The following ATF7IP variants were observed in gnomAD, a reference collection of about 807,000 sequenced individuals.
ATF7IP encodes the protein activating transcription factor 7 interacting protein, also known as activating transcription factor 7-interacting protein 1.
Under a neutral mutation model 106.4 loss-of-function variants are expected in ATF7IP, and 23 were observed. That is an observed-to-expected ratio of 0.22 (90% CI 0.16 to 0.31). The LOEUF (loss-of-function observed/expected upper bound fraction) is 0.31. ATF7IP is among the 10% of genes least tolerant of loss of function. ATF7IP has a pLI of 1.00. For synonymous variants in ATF7IP, 542 were observed against 539.0 expected, an observed-to-expected ratio of 1.01 and a Z score of -0.08; for missense variants, 1,334 against 1,524.3, an observed-to-expected ratio of 0.88 and a Z score of 2.08.
chr12:14,375,365 G>A (rs752000198), intron 1 of ATF7IP, among the ~76,000 whole-genome samples: 2 of 151,996 alleles, frequency 1.3e-5, no homozygotes, highest in African/African-American at 2.4e-5. Flanking sequence ...TTAAGAACCA[G>A]TTGCTTGTTA....
chr12:14,396,645 T>C (rs1384857738), intron 1 of ATF7IP, among the ~76,000 whole-genome samples: 1 of 152,144 alleles, frequency 6.6e-6, no homozygotes, highest in Non-Finnish European at 1.5e-5. Context: ...GAAAAAGTTT[T>C]TCAAACTTCT....
At chr12:14,398,474 GTT>G (rs11285054) in intron 1 of ATF7IP, among the ~76,000 whole-genome samples, 12 of 139,516 alleles carry the variant, frequency 8.6e-5, no homozygotes, top group Non-Finnish European at 1.6e-4. Context: ...TAGCCTTGTG[GTT>G]TTTTTTTTTT....
chr12:14,413,601 A>G (rs1941044500), intron 1 of ATF7IP, among the ~76,000 whole-genome samples: 3 of 152,212 alleles, frequency 2.0e-5, no homozygotes, highest in Non-Finnish European at 4.4e-5. Flanking sequence ...GTAATTATTG[A>G]TAGTAATATA....
chr12:14,492,562 T>C (rs1944865025), intron 13 of ATF7IP, among the ~76,000 whole-genome samples: 1 of 152,210 alleles, frequency 6.6e-6, no homozygotes, highest in Non-Finnish European at 1.5e-5. Flanking sequence ...TTTAGTCTTT[T>C]GTCCATTTGA....
At position 14,456,610 on chromosome 12, in the gene ATF7IP, A is replaced by G; in HGVS notation, c.2045A>G (p.Asn682Ser). The G allele has an allele frequency of 1.2e-6, 2 of 1,612,102 alleles. No individual in the cohort carries two copies. The highest frequency in any genetic ancestry group is 1.7e-6 in the Non-Finnish European group (2 of 1,179,020). Reference sequence around the variant, plus strand: ...CCAGGAAAAACTGTAAATGATGTCAACAGCAATAATAACATGTCTTACAGG... The same window carrying G: ...CCAGGAAAAACTGTAAATGATGTCAGCAGCAATAATAACATGTCTTACAGG... ...VSPGKTVNDV[N>S]SNNNMSYRNA... is the part of the protein sequence containing the mutation. The change falls in exon 7 of 15, where the codon AAC (asparagine) becomes AGC (serine). Residue 682 changes from asparagine (N) to serine (S), a missense_variant. By Grantham distance (46) the Asn-to-Ser change is conservative. This residue lies in a region of ATF7IP where 171 missense variants were observed against 172.6 expected (regional missense o/e 0.99). Coordinates refer to ENST00000261168, the MANE Select transcript of ATF7IP (RefSeq NM_018179.5).
At position 14,402,072 on chromosome 12, in the gene ATF7IP, TTTTC is replaced by T. The variant is rs975460821; in HGVS notation, c.-7-21827_-7-21824del. Among the ~76,000 whole-genome samples, 6 of 151,764 alleles carry T rather than the reference TTTTC, an allele frequency of 4.0e-5. No homozygotes were observed. In the South Asian group the frequency reaches 6.2e-4, roughly 16 times the overall value. On this transcript the variant is annotated intron_variant, in intron 1 of 14. Coordinates refer to ENST00000261168, the MANE Select transcript of ATF7IP (RefSeq NM_018179.5). ...ATATCTAGGTGGAATTTTCTTTTTTTTTTCTTTCTTTCTGTCTGTCTTTCTCTCT... is the reference window on the plus strand; with the variant it reads ...ATATCTAGGTGGAATTTTCTTTTTTTTTTCTTTCTGTCTGTCTTTCTCTCT...
In ATF7IP at chr12:14,423,891, T is replaced by G; in HGVS notation, c.-7-18T>G. The G allele has an allele frequency of 6.4e-7, 1 of 1,550,466 alleles. No individual in the cohort carries two copies. The highest frequency in any genetic ancestry group is 1.4e-5 in the African/African-American group (1 of 72,278). On this transcript the variant is annotated intron_variant, in intron 1 of 14. Transcript: ENST00000261168. ...TTCTGTTTCAGTTATTAAACTCTCT[T>G]TCTCTTTTTTCTTAAAGATTCAGAA... is the stretch of plus-strand genomic sequence containing the variant.
chr12:14,411,850 G>A (rs189029820), intron 1 of ATF7IP, among the ~76,000 whole-genome samples: 81 of 151,540 alleles, frequency 5.3e-4, no homozygotes, highest in African/African-American at 1.7e-3. Context: ...TCATATCTAA[G>A]AAACCATTGC....
chr12:14,398,106 G>A (rs779661413), intron 1 of ATF7IP, among the ~76,000 whole-genome samples: 37 of 152,014 alleles, frequency 2.4e-4, no homozygotes, highest in African/African-American at 7.5e-4. Context: ...TCCTTGCAAG[G>A]TTTTTTTCTG....
At chr12:14,369,906 T>C (rs1938464622) in intron 1 of ATF7IP, among the ~76,000 whole-genome samples, 1 of 152,094 alleles carries the variant, frequency 6.6e-6, no homozygotes, top group Admixed American at 6.6e-5. Context: ...GATCCCTTGA[T>C]ATACACAATT....
At chr12:14,464,400 A>G (rs1943750829) in intron 9 of ATF7IP, among the ~76,000 whole-genome samples, 1 of 152,250 alleles carries the variant, frequency 6.6e-6, no homozygotes, top group Non-Finnish European at 1.5e-5. Flanking sequence ...ACATAATTAA[A>G]TGAGCGAAGT....
At chr12:14,409,955 T>C (rs1161261758) in intron 1 of ATF7IP, among the ~76,000 whole-genome samples, 1 of 152,128 alleles carries the variant, frequency 6.6e-6, no homozygotes, top group East Asian at 1.9e-4. Context: ...ATACAATTCA[T>C]CTGTTTGAGT....
At chr12:14,448,353 C>T (rs1273354779) in intron 6 of ATF7IP, among the ~76,000 whole-genome samples, 2 of 152,060 alleles carry the variant, frequency 1.3e-5, no homozygotes, top group Non-Finnish European at 2.9e-5. Context: ...ACAGACTTAA[C>T]AGTTTCTACC....
chr12:14,411,662 A>G (rs1940920043), intron 1 of ATF7IP, among the ~76,000 whole-genome samples: 1 of 152,084 alleles, frequency 6.6e-6, no homozygotes, highest in South Asian at 2.1e-4. Flanking sequence ...CAGTTTTTAT[A>G]TATTCAAGAT....
Position 14,424,745 on chromosome 12 carries a change from A to T in ATF7IP, c.830A>T (p.Asp277Val), listed in dbSNP as rs746203286. 1 of 1,614,060 alleles carries T rather than the reference A, an allele frequency of 6.2e-7. No homozygotes were observed. The highest frequency in any genetic ancestry group is 8.5e-7 in the Non-Finnish European group (1 of 1,180,026). Residue 277 changes from aspartate to valine, a missense_variant, in exon 2 of 15, where the codon GAT becomes GTT. By Grantham distance (152) the Asp-to-Val change is radical. Coordinates refer to ENST00000261168, the MANE Select transcript of ATF7IP (RefSeq NM_018179.5). Reference protein sequence around the residue: ...DDLATGELASDELTSESTFDR... With the variant: ...DDLATGELASVELTSESTFDR... ...CTGGCCACTGGTGAACTGGCCTCTGATGAGCTGACTTCTGAATCAACCTTT... is the reference window on the plus strand; with the variant it reads ...CTGGCCACTGGTGAACTGGCCTCTGTTGAGCTGACTTCTGAATCAACCTTT...
At chr12:14,487,427 G>A (rs553007055) in intron 13 of ATF7IP, among the ~76,000 whole-genome samples, 3 of 152,298 alleles carry the variant, frequency 2.0e-5, no homozygotes, top group Admixed American at 1.3e-4. Flanking sequence ...GGGCTCCTGA[G>A]AAGAGTCAAC....
chr12:14,365,975 A>G (rs1158221902), intron 1 of ATF7IP, 148 bp downstream of exon 1: 1 of 152,310 alleles, frequency 6.6e-6, no homozygotes. Flanking sequence ...GCATGGGAGC[A>G]CGTGATCTTG....
intron 9 of ATF7IP, among the ~76,000 whole-genome samples, chr12:14,465,177 G>A (rs993869781): frequency 1.3e-5 from 2 of 151,896 alleles, no homozygotes; most frequent in Non-Finnish European, 1.5e-5. Context: ...TTGTGCCACT[G>A]CACTCTCGCC....
chr12:14,416,813 A>G (rs957465431), intron 1 of ATF7IP: 37 of 652,624 alleles, frequency 5.7e-5, no homozygotes, highest in South Asian at 6.9e-5. Context: ...GTTTTAGACT[A>G]TTTCGGCTTT....
Sources: allele counts gnomAD v4.1 joint callset (sites outside exome capture counted in the v4.1 genomes callset), GRCh38; gene constraint gnomAD v4.1.1; regional missense constraint gnomAD v4.1.1; transcripts MANE v1.5; gene names NCBI Gene and HGNC (gene_info 2026-07-23, HGNC 2026-07-21).